The following WDTC1 variants were observed in gnomAD, a reference collection of about 807,000 sequenced individuals.
WDTC1 encodes the protein WD and tetratricopeptide repeats protein 1.
WDTC1 carries 12 observed loss-of-function variants against 76.0 expected under a neutral mutation model. The ratio of observed to expected loss-of-function variants is 0.16; its 90% CI spans 0.10 to 0.26. The LOEUF is 0.26. Among genes scored for constraint, WDTC1 ranks in the 10% least tolerant of loss-of-function variants. The pLI, the probability that WDTC1 is intolerant of heterozygous loss-of-function variation, is 1.00. For missense variants in WDTC1, 511 were observed against 908.8 expected, an observed-to-expected ratio of 0.56 and a Z score of 5.63; for synonymous variants, 326 against 350.8, an observed-to-expected ratio of 0.93 and a Z score of 0.79.
intron 5 of WDTC1, among the ~76,000 whole-genome samples, chr1:27,285,893 C>T (rs2013319212): frequency 6.6e-6 from 1 of 151,508 alleles, no homozygotes; most frequent in Non-Finnish European, 1.5e-5. Flanking sequence ...CAGCCCAGAA[C>T]TGCATACTTT....
Position 27,286,229 on chromosome 1 carries a change from C to T in WDTC1, c.292-1445C>T, listed in dbSNP as rs549506898. ...TGTTGGCCAGGGTGGTCTCAAACTC[C>T]TGACCTCAGGTAATCCGCCTACCTC... On this transcript the variant is annotated intron_variant, in intron 5 of 15. Transcript: ENST00000319394. 9.3e-4 allele frequency among the ~76,000 whole-genome samples: 141 copies of T among 151,600 alleles called. 1 individual carries two copies. Among genetic ancestry groups the T allele is most frequent in the African/African-American group, 3.2e-3 (131 of 41,346 alleles).
chr1:27,306,220 T>C lies in WDTC1; in HGVS notation c.1871T>C (p.Met624Thr). ...CTCACAGGCCGAGTCGTGGAAGATA[T>C]GGAGGGTGCTTCACAGGCCAACCAG... ...EDLTGRVVED[M>T]EGASQANQRR... The change falls in exon 16 of 16, where the codon ATG becomes ACG. Residue 624 changes from methionine (M) to threonine (T), a missense_variant. Physicochemically the swap from Met to Thr is moderately conservative, Grantham distance 81. Transcript: ENST00000319394. The surrounding 1 kb of genome is among the most constrained non-coding windows in gnomAD (Gnocchi z 5.0). 6.2e-7 allele frequency: 1 copy of C among 1,614,086 alleles called. No individual in the cohort carries two copies. The highest frequency in any genetic ancestry group is 8.5e-7 in the Non-Finnish European group (1 of 1,180,014).
chr1:27,291,940 A>G lies in WDTC1; in HGVS notation c.480-275A>G, dbSNP rs191142199. ...TTTTCACTAAGTGTTGGTAATCAGT[A>G]GTAGTATAATAGTAGCAATAATACT... On this transcript the variant is annotated intron_variant, in intron 6 of 15. Transcript: ENST00000319394. 9.8e-5 allele frequency among the ~76,000 whole-genome samples: 15 copies of G among 152,312 alleles called. No homozygotes were observed. In the East Asian group the frequency reaches 2.7e-3, roughly 27 times the overall value.
chr1:27,296,561 A>C (rs562509419), intron 10 of WDTC1, among the ~76,000 whole-genome samples, 160 bp downstream of exon 10: 1 of 152,188 alleles, frequency 6.6e-6, no homozygotes, highest in Non-Finnish European at 1.5e-5. Context: ...GAGGATGACA[A>C]TAGAGCAGAG....
intron 4 of WDTC1, among the ~76,000 whole-genome samples, chr1:27,282,942 A>G (rs1254517595): frequency 1.3e-5 from 2 of 151,844 alleles, no homozygotes; most frequent in Non-Finnish European, 2.9e-5. Context: ...GATTGAGACC[A>G]TCCTGCCTAA....
intron 3 of WDTC1, among the ~76,000 whole-genome samples, chr1:27,280,313 C>G (rs1291104713): frequency 6.6e-6 from 1 of 152,172 alleles, no homozygotes; most frequent in Non-Finnish European, 1.5e-5. Flanking sequence ...ATGGAAATGT[C>G]TGGATATTCA....
rs760867552 is a variant in WDTC1, at chr1:27,301,430, C to A, written c.1437C>A (p.Ile479=). Residue 479 remains isoleucine (I), a synonymous_variant, in exon 13 of 16, where the codon ATC becomes ATA. Transcript: ENST00000319394. The surrounding 1 kb of genome is among the most constrained non-coding windows in gnomAD (Gnocchi z 5.8). The part of the protein sequence containing the change: ...SSACDALGRD[I]TAALFSKNDG... ...CTTGTGATGCATTGGGCCGCGACAT[C>A]ACAGCTGCCCTCTTCTCTAAAAATG... is the stretch of plus-strand genomic sequence containing the variant. 1.9e-5 allele frequency: 31 copies of A among 1,613,674 alleles called. No individual in the cohort carries two copies. Among genetic ancestry groups the A allele is most frequent in the Non-Finnish European group, 2.5e-5 (30 of 1,180,038 alleles).
At chr1:27,297,192 C>T (rs1050607784) in intron 11 of WDTC1, 36 bp downstream of exon 11, 1 of 1,539,276 alleles carries the variant, frequency 6.5e-7, no homozygotes, top group Non-Finnish European at 8.9e-7. Context: ...CTCCAAGCCC[C>T]AGTTACACTA....
Position 27,300,703 on chromosome 1 carries a change from G to T in WDTC1, c.1233-523G>T, listed in dbSNP as rs1031623887. 5.9e-5 allele frequency among the ~76,000 whole-genome samples: 9 copies of T among 151,654 alleles called. No homozygotes were observed. In the East Asian group the frequency reaches 1.4e-3, roughly 23 times the overall value. ...TGCTGTGGATCAGTCAGCCAGGACA[G>T]GGGGGGGTCTGGCTGAGGGCTTGCT... is the stretch of plus-strand genomic sequence containing the variant. On this transcript the variant is annotated intron_variant, in intron 12 of 15. Transcript: ENST00000319394.
At chr1:27,245,121 T>C (rs1348380270) in intron 1 of WDTC1, among the ~76,000 whole-genome samples, 1 of 151,662 alleles carries the variant, frequency 6.6e-6, no homozygotes, top group East Asian at 1.9e-4. Flanking sequence ...CTCAGTACCA[T>C]GTAGTATTCT....
In WDTC1 at chr1:27,274,078, GC is replaced by G. The variant is rs564500742; in HGVS notation, c.133-8158del. ...AGGCTGAGGTGGGAGGATCACTTGA[GC>G]CCAGAATTGTGACCAGCCTGGGCAA... is the stretch of plus-strand genomic sequence containing the variant. On this transcript the variant is annotated intron_variant, in intron 3 of 15. Transcript: ENST00000319394. The surrounding 1 kb of genome is among the most constrained non-coding windows in gnomAD (Gnocchi z 4.2). Among the ~76,000 whole-genome samples the G allele has an allele frequency of 1.2e-4, 19 of 152,124 alleles. 1 individual carries two copies. Among genetic ancestry groups the G allele is most frequent in the Admixed American group, 3.3e-4 (5 of 15,258 alleles).
intron 7 of WDTC1, 119 bp downstream of exon 7, chr1:27,292,516 C>T: frequency 1.0e-6 from 1 of 966,344 alleles, no homozygotes; most frequent in Non-Finnish European, 1.4e-6. Context: ...CAGCCTCAAC[C>T]TCCCAGGCTC....
chr1:27,234,809 T>C lies in WDTC1; in HGVS notation c.-242T>C. ...CCGGCCAGGCGCCGGGCGGGGAGCA[T>C]GGGAAGGGGCTAGAACTGCTCGAGC... On this transcript the variant is annotated 5_prime_UTR_variant, in exon 1 of 16. An upstream start codon of the reference 5' UTR is lost. Transcript: ENST00000319394. 2.5e-6 allele frequency: 1 copy of C among 396,818 alleles called. No individual in the cohort carries two copies. Among genetic ancestry groups the C allele is most frequent in the Non-Finnish European group, 4.4e-6 (1 of 225,526 alleles). The allele number at this position is 396,818 out of a possible 1,614,324, so 24.6% of individuals were successfully genotyped here.
intron 3 of WDTC1, among the ~76,000 whole-genome samples, chr1:27,278,978 C>A (rs1190194812): frequency 6.6e-6 from 1 of 152,188 alleles, no homozygotes; most frequent in East Asian, 1.9e-4. Flanking sequence ...CAGAGAATTA[C>A]TTGAACCTGG....
chr1:27,306,212 G>A lies in WDTC1; in HGVS notation c.1863G>A (p.Val621=). The change falls in exon 16 of 16, where the codon GTG becomes GTA. Residue 621 remains valine, a synonymous_variant. Coordinates refer to ENST00000319394, the MANE Select transcript of WDTC1 (RefSeq NM_001276252.2). This position sits in a 1 kb window ranked among gnomAD's most constrained non-coding sequence, Gnocchi z 5.0. ...GTGAAGACCTCACAGGCCGAGTCGT[G>A]GAAGATATGGAGGGTGCTTCACAGG... The part of the protein sequence containing the change: ...PESEDLTGRV[V]EDMEGASQAN... 1 of 1,614,092 alleles carries A rather than the reference G, an allele frequency of 6.2e-7. No homozygotes were observed. The highest frequency in any genetic ancestry group is 8.5e-7 in the Non-Finnish European group (1 of 1,180,008).
Position 27,296,391 on chromosome 1 carries a change from C to T in WDTC1, c.939C>T (p.His313=). The T allele has an allele frequency of 6.2e-7, 1 of 1,614,136 alleles. No homozygotes were observed. Among genetic ancestry groups the T allele is most frequent in the Non-Finnish European group, 8.5e-7 (1 of 1,180,022 alleles). The part of the protein sequence containing the change: ...PYTFLLPRKC[H]SSGEVQNGKM... ...CCTTCCTCTTGCCTAGAAAATGCCA[C>T]TCCTCGGGGGGTAAGTTCTCCCTTA... The change falls in exon 10 of 16, where the codon CAC becomes CAT. Residue 313 remains histidine (H), a synonymous_variant. Coordinates refer to ENST00000319394, the MANE Select transcript of WDTC1 (RefSeq NM_001276252.2).
intron 1 of WDTC1, among the ~76,000 whole-genome samples, chr1:27,251,908 G>A (rs192779681): frequency 6.6e-6 from 1 of 152,152 alleles, no homozygotes; most frequent in East Asian, 1.9e-4. Flanking sequence ...ACTTAGCCGG[G>A]CATGGTGGGG....
At chr1:27,277,974 G>T (rs931204414) in intron 3 of WDTC1, among the ~76,000 whole-genome samples, 10 of 152,100 alleles carry the variant, frequency 6.6e-5, no homozygotes, top group African/African-American at 2.4e-4. Flanking sequence ...CTGTGTAGCT[G>T]GGATTACAGG....
chr1:27,306,229 C>T lies in WDTC1; in HGVS notation c.1880C>T (p.Ala627Val). ...TGRVVEDMEG[A>V]SQANQRRMNA... The stretch of plus-strand genomic sequence containing the variant: ...CGAGTCGTGGAAGATATGGAGGGTG[C>T]TTCACAGGCCAACCAGCGGCGCATG... Residue 627 changes from alanine (A) to valine (V), a missense_variant, in exon 16 of 16, where the codon GCT (alanine) becomes GTT (valine). Coordinates refer to ENST00000319394, the MANE Select transcript of WDTC1 (RefSeq NM_001276252.2). The surrounding 1 kb of genome is among the most constrained non-coding windows in gnomAD (Gnocchi z 5.0). The T allele has an allele frequency of 6.2e-7, 1 of 1,614,158 alleles. No individual in the cohort carries two copies. Among genetic ancestry groups the T allele is most frequent in the South Asian group, 1.1e-5 (1 of 91,078 alleles).
Sources: gnomAD v4.1 joint callset for allele counts (sites outside exome capture counted in the v4.1 genomes callset) on GRCh38, gnomAD v4.1.1 for gene constraint, Gnocchi (gnomAD v3.1) non-coding constraint, MANE v1.5 for transcripts, NCBI Gene and HGNC (gene_info 2026-07-23, HGNC 2026-07-21) for gene names.